RUNX2: variants seen among roughly 807,000 people sequenced by gnomAD.
RUNX2 encodes RUNX family transcription factor 2, also known as runt-related transcription factor 2.
Under a neutral mutation model 51.7 loss-of-function variants are expected in RUNX2, and 10 were observed. That is an observed-to-expected ratio of 0.19 (90% confidence interval 0.12 to 0.33). The LOEUF (loss-of-function observed/expected upper bound fraction) is 0.33, where lower values mean the gene tolerates loss of function less well. Ranked by LOEUF, RUNX2 falls within the 10% of genes least tolerant of loss-of-function variation. The probability of loss-of-function intolerance (pLI) is 1.00; values close to 1 mark genes in which losing one functional copy is unlikely to be tolerated. For synonymous variants in RUNX2, 276 were observed against 273.6 expected, an observed-to-expected ratio of 1.01 and a Z score of -0.09; for missense variants, 562 against 691.3, an observed-to-expected ratio of 0.81 and a Z score of 2.10.
intron 2 of RUNX2, among the ~76,000 whole-genome samples, chr6:45,376,060 AAGAT>A (rs1220326899): frequency 1.3e-5 from 2 of 152,246 alleles, no homozygotes; most frequent in African/African-American, 4.8e-5. Context: ...AAAGTGGTAA[AAGAT>A]AGCAGAAACC....
intron 2 of RUNX2, chr6:45,371,953 C>A: frequency 2.5e-6 from 2 of 785,002 alleles, no homozygotes; most frequent in Non-Finnish European, 1.5e-6. Flanking sequence ...TTTAGTGATA[C>A]AAGCTGGGAC....
intron 5 of RUNX2, among the ~76,000 whole-genome samples, chr6:45,445,329 A>G (rs1284952625): frequency 6.6e-6 from 1 of 152,160 alleles, no homozygotes; most frequent in Non-Finnish European, 1.5e-5. Flanking sequence ...CGGCCCAGGA[A>G]GATGCTTATT....
chr6:45,534,258 G>GA (rs932841408), intron 7 of RUNX2, among the ~76,000 whole-genome samples: 2 of 151,814 alleles, frequency 1.3e-5, no homozygotes, highest in South Asian at 2.1e-4. Flanking sequence ...TCTATTGGGG[G>GA]AAAAAAGGAC....
intron 2 of RUNX2, among the ~76,000 whole-genome samples, chr6:45,400,821 G>A (rs571878469): frequency 2.0e-5 from 3 of 152,132 alleles, no homozygotes; most frequent in Non-Finnish European, 2.9e-5. Flanking sequence ...AACAAACAAC[G>A]TAAATTGAAT....
chr6:45,364,096 C>G (rs1223710948), intron 2 of RUNX2, among the ~76,000 whole-genome samples: 1 of 145,156 alleles, frequency 6.9e-6, no homozygotes, highest in Non-Finnish European at 1.5e-5. Flanking sequence ...GCCTGGGCAA[C>G]AGAGTGAGAC....
chr6:45,372,348 A>C (rs1796191070), intron 2 of RUNX2, among the ~76,000 whole-genome samples: 1 of 152,216 alleles, frequency 6.6e-6, no homozygotes, highest in Non-Finnish European at 1.5e-5. Flanking sequence ...ATGATGATTA[A>C]CTCATGCAAA....
intron 3 of RUNX2, among the ~76,000 whole-genome samples, chr6:45,429,806 T>C (rs892810253): frequency 6.6e-6 from 1 of 152,088 alleles, no homozygotes; most frequent in African/African-American, 2.4e-5. Context: ...TCAAAAATGT[T>C]TACCTGGCTG....
intron 4 of RUNX2, among the ~76,000 whole-genome samples, chr6:45,433,367 T>C (rs564478026): frequency 5.3e-5 from 8 of 152,354 alleles, no homozygotes; most frequent in Non-Finnish European, 1.2e-4. Context: ...TTTTCTCATT[T>C]ACTTATGCAG....
At chr6:45,376,036 C>T (rs1468257980) in intron 2 of RUNX2, among the ~76,000 whole-genome samples, 2 of 152,168 alleles carry the variant, frequency 1.3e-5, no homozygotes, top group Non-Finnish European at 2.9e-5. Context: ...AAACTTCTCA[C>T]TGAAAAACCA....
chr6:45,459,666 C>G (rs568904920), intron 5 of RUNX2, among the ~76,000 whole-genome samples: 7 of 152,214 alleles, frequency 4.6e-5, no homozygotes, highest in Admixed American at 2.6e-4. Context: ...AAATTGTTTC[C>G]CTCTTGGAAC....
intron 5 of RUNX2, 77 bp from the exon 6 acceptor site, chr6:45,491,864 A>G (rs1044657266): frequency 7.7e-6 from 11 of 1,426,850 alleles, no homozygotes; most frequent in African/African-American, 1.4e-5. Context: ...CCCAGTTTGT[A>G]TGTTCACATA....
intron 2 of RUNX2, among the ~76,000 whole-genome samples, chr6:45,402,960 T>TA (rs1416587221): frequency 1.5e-4 from 23 of 152,122 alleles, no homozygotes; most frequent in African/African-American, 3.9e-4. Context: ...AAGTATATTT[T>TA]AAAAAAATAA....
chr6:45,404,965 GA>G (rs1582077185), intron 2 of RUNX2, among the ~76,000 whole-genome samples: 1 of 152,246 alleles, frequency 6.6e-6, no homozygotes, highest in Non-Finnish European at 1.5e-5. Flanking sequence ...CCGGTTGCTG[GA>G]AAATTTTTCA....
chr6:45,378,225 C>T (rs181862906), intron 2 of RUNX2, among the ~76,000 whole-genome samples: 34 of 152,270 alleles, frequency 2.2e-4, no homozygotes, highest in Admixed American at 5.9e-4. Context: ...GAGCTGAGAT[C>T]GGTCAGGGTG....
chr6:45,370,553 A>G (rs1340862677), intron 2 of RUNX2, among the ~76,000 whole-genome samples: 1 of 152,190 alleles, frequency 6.6e-6, no homozygotes, highest in East Asian at 1.9e-4. Context: ...TAATTAATCA[A>G]TATAATAGAA....
At chr6:45,338,644 T>C (rs1261039251) in intron 2 of RUNX2, among the ~76,000 whole-genome samples, 3 of 152,152 alleles carry the variant, frequency 2.0e-5, no homozygotes, top group African/African-American at 7.2e-5. Context: ...ACTATCTTTC[T>C]CAAATAGTTA....
At chr6:45,467,033 C>T (rs1157545999) in intron 5 of RUNX2, among the ~76,000 whole-genome samples, 4 of 152,190 alleles carry the variant, frequency 2.6e-5, no homozygotes, top group Admixed American at 6.5e-5. Context: ...TGCCTACTCA[C>T]GCTGAGCCTC....
intron 5 of RUNX2, among the ~76,000 whole-genome samples, chr6:45,473,128 G>T (rs1006583277): frequency 6.6e-6 from 1 of 152,180 alleles, no homozygotes; most frequent in African/African-American, 2.4e-5. Flanking sequence ...TATTTATACA[G>T]CATTTGTGTT....
intron 2 of RUNX2, among the ~76,000 whole-genome samples, chr6:45,414,264 A>G (rs1181993664): frequency 1.3e-5 from 2 of 152,120 alleles, no homozygotes; most frequent in African/African-American, 4.8e-5. Context: ...AAAAGTGGGA[A>G]TCATGGTACC....
Sources: gnomAD v4.1 joint callset for allele counts (sites outside exome capture counted in the v4.1 genomes callset) on GRCh38, gnomAD v4.1.1 for gene constraint, MANE v1.5 for transcripts, NCBI Gene and HGNC (gene_info 2026-07-23, HGNC 2026-07-21) for gene names.